Variants in ERCC1 observed in about 807,000 individuals in gnomAD.
ERCC1 encodes the protein DNA excision repair protein ERCC-1.
ERCC1 carries 36 observed loss-of-function variants against 37.6 expected under a neutral mutation model. The observed-to-expected ratio is 0.96, with a 90% confidence interval of 0.73 to 1.26. ERCC1 has a LOEUF of 1.26. Among genes scored for constraint, ERCC1 ranks in the 50% most tolerant of loss-of-function variants. ERCC1 has a pLI of 0.00. For synonymous variants in ERCC1, 156 were observed against 162.1 expected (o/e 0.96, Z 0.28); for missense variants, 349 against 376.5 (o/e 0.93, Z 0.60).
At chr19:45,449,973 C>G (rs1435916827) in intron 1 of ERCC1, among the ~76,000 whole-genome samples, 3 of 151,990 alleles carry the variant, frequency 2.0e-5, no homozygotes, top group Admixed American at 2.0e-4. Flanking sequence ...TCAAACAAAA[C>G]AAAAAAAGCC....
At chr19:45,446,721 C>G (rs928465983) in intron 1 of ERCC1, among the ~76,000 whole-genome samples, 1 of 152,086 alleles carries the variant, frequency 6.6e-6, no homozygotes. Context: ...GGAGCTGGGC[C>G]GGGAGAGGTG....
chr19:45,408,736 C>A lies in ERCC1; in HGVS notation c.*939G>T. The A allele has an allele frequency of 6.2e-7, 1 of 1,613,402 alleles. No homozygotes were observed. Among genetic ancestry groups the A allele is most frequent in the Non-Finnish European group, 8.5e-7 (1 of 1,179,872 alleles). On this transcript the variant is annotated 3_prime_UTR_variant, in exon 10 of 10. Transcript: ENST00000300853. Reference sequence around the variant, plus strand: ...CCACCACCAAGAAGAGGAAGAAGCCCAAAGGGAAAGAAACCTTCGAGCCAG... The same window carrying A: ...CCACCACCAAGAAGAGGAAGAAGCCAAAAGGGAAAGAAACCTTCGAGCCAG...
upstream of ERCC1, among the ~76,000 whole-genome samples, chr19:45,426,661 GA>G (rs771368015): frequency 3.3e-5 from 5 of 151,478 alleles, no homozygotes; most frequent in Non-Finnish European, 7.4e-5. Flanking sequence ...CCTAACAATT[GA>G]AATCCAGAAT....
chr19:45,439,464 G>A (rs1015182235), intron 1 of ERCC1, among the ~76,000 whole-genome samples: 16 of 152,156 alleles, frequency 1.1e-4, no homozygotes, highest in African/African-American at 3.4e-4. Context: ...TTGGGAGGCC[G>A]AGGTAGCAGG....
rs535293532 is a variant in ERCC1, at chr19:45,450,208, A to G, written c.-7-26827T>C. On this transcript the variant is annotated intron_variant, in intron 1 of 8. Transcript: ENST00000423698. The stretch of plus-strand genomic sequence containing the variant: ...CAGTCCTTGCTAGCCCTGTATCTCT[A>G]TCACCTACTCCCATGCATACAGGTC... Among the ~76,000 whole-genome samples, 158 of 152,212 alleles carry G rather than the reference A, an allele frequency of 1.0e-3. 2 individuals carry two copies. Among genetic ancestry groups the G allele is most frequent in the African/African-American group, 3.7e-3 (154 of 41,536 alleles).
chr19:45,421,110 G>A (rs1438663637), intron 3 of ERCC1, 68 bp downstream of exon 3: 1 of 1,328,156 alleles, frequency 7.5e-7, no homozygotes, highest in Non-Finnish European at 1.1e-6. Context: ...CCTTGCACTG[G>A]AGTCATCCCT....
intron 1 of ERCC1, among the ~76,000 whole-genome samples, chr19:45,431,133 T>C (rs984739210): frequency 6.6e-6 from 1 of 152,174 alleles, no homozygotes; most frequent in Admixed American, 6.6e-5. Flanking sequence ...TTTTGTATTT[T>C]TAGTAGAAAC....
Position 45,423,770 on chromosome 19 carries a change from G to A in ERCC1, c.-8+11C>T. 1 of 1,141,468 alleles carries A rather than the reference G, an allele frequency of 8.8e-7. No homozygotes were observed. The highest frequency in any genetic ancestry group is 1.1e-6 in the Non-Finnish European group (1 of 921,848). The allele number at this position is 1,141,468 out of a possible 1,614,324, so 70.7% of individuals were successfully genotyped here. On this transcript the variant is annotated intron_variant, in intron 1 of 9. Coordinates refer to ENST00000300853, the MANE Select transcript of ERCC1 (RefSeq NM_001983.4). ...GCGCCAATCTCCACCCGCAGTCTCC[G>A]CCTCCCGCACCTGTGGTCCGGGCCT...
chr19:45,409,177 G>A lies in ERCC1; in HGVS notation c.*498C>T. 1 of 1,613,520 alleles carries A rather than the reference G, an allele frequency of 6.2e-7. No homozygotes were observed. Among genetic ancestry groups the A allele is most frequent in the Non-Finnish European group, 8.5e-7 (1 of 1,179,694 alleles). ...CCACAGTGGAGCCAGAGACAGAGGT[G>A]GTGGGGCCTGAGCTGCCGGATGACC... On this transcript the variant is annotated 3_prime_UTR_variant, in exon 10 of 10. Transcript: ENST00000300853.
chr19:45,417,398 G>T (rs73561204), intron 5 of ERCC1, among the ~76,000 whole-genome samples: 2,627 of 152,310 alleles, frequency 0.017, 82 homozygotes, highest in African/African-American at 0.059. Context: ...CTTCTTGGAG[G>T]AGGGGACATT....
chr19:45,435,514 G>A (rs766484306), intron 1 of ERCC1, among the ~76,000 whole-genome samples: 3 of 152,178 alleles, frequency 2.0e-5, no homozygotes, highest in African/African-American at 7.2e-5. Context: ...GCAGGTTGGA[G>A]TGCAGTGTGG....
At chr19:45,437,587 G>A (rs1018023542) in intron 1 of ERCC1, among the ~76,000 whole-genome samples, 8 of 152,154 alleles carry the variant, frequency 5.3e-5, no homozygotes, top group African/African-American at 1.7e-4. Context: ...TATTCTAAGT[G>A]AAATAAACCA....
Position 45,407,480 on chromosome 19 carries a change from G to A in ERCC1, c.*2195C>T. On this transcript the variant is annotated 3_prime_UTR_variant, in exon 10 of 10. Coordinates refer to ENST00000300853, the MANE Select transcript of ERCC1 (RefSeq NM_001983.4). ...ACTATAGTTAAACTTGGAGTGTGCA[G>A]ATAAGCTCACTAAAGGTAGGGGCTA... is the stretch of plus-strand genomic sequence containing the variant. 2.1e-6 allele frequency: 1 copy of A among 478,040 alleles called. No homozygotes were observed. The highest frequency in any genetic ancestry group is 4.2e-5 in the Admixed American group (1 of 23,770). 29.6% of individuals were successfully genotyped at this position (478,040 alleles called of 1,614,324 possible). A position where few individuals can be genotyped will look rare whatever the true frequency, so the allele number is the denominator to read the frequency against.
chr19:45,429,394 A>G (rs1974780500), intron 1 of ERCC1, among the ~76,000 whole-genome samples: 1 of 152,120 alleles, frequency 6.6e-6, no homozygotes, highest in South Asian at 2.1e-4. Context: ...TGGGAGACAG[A>G]GGTTGTAGTG....
intron 6 of ERCC1, 111 bp from the exon 7 acceptor site, chr19:45,415,071 C>T (rs1047648605): frequency 2.8e-5 from 20 of 719,270 alleles, no homozygotes; most frequent in African/African-American, 1.8e-4. Flanking sequence ...CGGTGGCTCA[C>T]GCCTGTAATC....
upstream of ERCC1, among the ~76,000 whole-genome samples, chr19:45,425,135 A>G (rs887841312): frequency 8.1e-5 from 11 of 135,320 alleles, no homozygotes; most frequent in Non-Finnish European, 1.7e-4. Flanking sequence ...GGGTTTCACC[A>G]TGTTGGCCAG....
At chr19:45,431,240 G>A (rs1974823622) in intron 1 of ERCC1, among the ~76,000 whole-genome samples, 1 of 152,204 alleles carries the variant, frequency 6.6e-6, no homozygotes. Context: ...TGTTAAGCCT[G>A]ACGTGAAAGT....
chr19:45,425,732 A>G (rs1389414460), upstream of ERCC1, among the ~76,000 whole-genome samples: 3 of 152,206 alleles, frequency 2.0e-5, no homozygotes, highest in Non-Finnish European at 4.4e-5. Context: ...AATTGTCTCA[A>G]GTTGACCAAA....
In ERCC1 at chr19:45,409,044, C is replaced by T; in HGVS notation, c.*631G>A. On this transcript the variant is annotated 3_prime_UTR_variant, in exon 10 of 10. Coordinates refer to ENST00000300853, the MANE Select transcript of ERCC1 (RefSeq NM_001983.4). ...GAGCCGGAGATGAAGCCTCTGGAGT[C>T]CCCAGGGGGGACCATGGCGCCTCAA... 1 of 1,614,052 alleles carries T rather than the reference C, an allele frequency of 6.2e-7. No homozygotes were observed. The highest frequency in any genetic ancestry group is 8.5e-7 in the Non-Finnish European group (1 of 1,180,016).
Sources: allele counts gnomAD v4.1 joint callset (sites outside exome capture counted in the v4.1 genomes callset), GRCh38; gene constraint gnomAD v4.1.1; transcripts MANE v1.5; gene names NCBI Gene and HGNC (gene_info 2026-07-23, HGNC 2026-07-21).